Variants in LRRC4C observed in about 807,000 individuals in gnomAD.
LRRC4C encodes the protein leucine rich repeat containing 4C.
LRRC4C carries 5 observed loss-of-function variants against 33.6 expected under a neutral mutation model. The observed-to-expected ratio is 0.15, with a 90% CI of 0.08 to 0.31. The LOEUF (loss-of-function observed/expected upper bound fraction) is 0.31, where lower values mean the gene tolerates loss of function less well. LRRC4C is among the 10% of genes least tolerant of loss of function. The pLI, the probability that LRRC4C is intolerant of heterozygous loss-of-function variation, is 1.00. For missense variants in LRRC4C, 560 were observed against 796.7 expected (o/e 0.70, Z 3.58); for synonymous variants, 329 against 302.0 (o/e 1.09, Z -0.93).
intron 3 of LRRC4C, among the ~76,000 whole-genome samples, chr11:40,608,522 A>G (rs762636682): frequency 6.6e-6 from 1 of 152,112 alleles, no homozygotes; most frequent in Non-Finnish European, 1.5e-5. Context: ...GAAAATAACA[A>G]TAGAAAGCCC....
chr11:40,886,995 T>TACACAC (rs369413177), intron 2 of LRRC4C, among the ~76,000 whole-genome samples: 6 of 144,196 alleles, frequency 4.2e-5, no homozygotes, highest in African/African-American at 1.3e-4. Context: ...TGTATATATC[T>TACACAC]ACACACACAC....
chr11:40,281,613 A>G (rs1286834504), intron 4 of LRRC4C, among the ~76,000 whole-genome samples: 1 of 152,150 alleles, frequency 6.6e-6, no homozygotes, highest in Non-Finnish European at 1.5e-5. Context: ...TCCCACCATC[A>G]TTATCAAACC....
At chr11:40,590,607 T>C (rs1313488042) in intron 3 of LRRC4C, among the ~76,000 whole-genome samples, 1 of 151,950 alleles carries the variant, frequency 6.6e-6, no homozygotes, top group East Asian at 1.9e-4. Context: ...ATCTTTGTGG[T>C]TTTATCTACT....
intron 3 of LRRC4C, among the ~76,000 whole-genome samples, chr11:40,472,426 C>T (rs1010822854): frequency 7.9e-6 from 1 of 126,664 alleles, no homozygotes; most frequent in African/African-American, 2.9e-5. Context: ...AACAAAGACA[C>T]AAGGTACCAG....
chr11:40,826,055 C>G (rs917664532), intron 2 of LRRC4C, among the ~76,000 whole-genome samples: 3 of 151,210 alleles, frequency 2.0e-5, no homozygotes, highest in Non-Finnish European at 3.0e-5. Context: ...CCACAAAGCA[C>G]TAAATAAGGG....
intron 5 of LRRC4C, among the ~76,000 whole-genome samples, chr11:40,157,391 A>C (rs1052593986): frequency 6.6e-6 from 1 of 152,210 alleles, no homozygotes; most frequent in African/African-American, 2.4e-5. Context: ...AATGCAATAA[A>C]AACAAAGATA....
chr11:41,402,716 A>C (rs1316494313), intron 1 of LRRC4C, among the ~76,000 whole-genome samples: 1 of 152,046 alleles, frequency 6.6e-6, no homozygotes, highest in East Asian at 1.9e-4. Context: ...AAAATGAAGA[A>C]GAACTCCAGA....
At chr11:41,238,900 T>C (rs532227863) in intron 1 of LRRC4C, among the ~76,000 whole-genome samples, 1 of 152,138 alleles carries the variant, frequency 6.6e-6, no homozygotes, top group Non-Finnish European at 1.5e-5. Context: ...CAGAGATTGC[T>C]TACTGGAATT....
intron 5 of LRRC4C, among the ~76,000 whole-genome samples, chr11:40,205,393 T>A (rs952085492): frequency 3.9e-5 from 6 of 152,188 alleles, no homozygotes; most frequent in Non-Finnish European, 8.8e-5. Context: ...AGGGAAAGGA[T>A]ACCAAGACTT....
At chr11:40,994,777 T>A (rs1263792911) in intron 1 of LRRC4C, among the ~76,000 whole-genome samples, 1 of 150,328 alleles carries the variant, frequency 6.7e-6, no homozygotes, top group Non-Finnish European at 1.5e-5. Flanking sequence ...GCCGGTTTTT[T>A]CTTTACTGTC....
intron 2 of LRRC4C, among the ~76,000 whole-genome samples, chr11:40,898,914 C>A (rs966348733): frequency 2.6e-5 from 4 of 152,038 alleles, no homozygotes; most frequent in Non-Finnish European, 5.9e-5. Flanking sequence ...GCAGAAGATT[C>A]CCGAAAGAAC....
intron 4 of LRRC4C, among the ~76,000 whole-genome samples, chr11:40,253,291 A>C (rs1039470649): frequency 6.6e-6 from 1 of 152,216 alleles, no homozygotes; most frequent in African/African-American, 2.4e-5. Flanking sequence ...TCAAAAACGT[A>C]GCACATGCTA....
chr11:41,184,213 G>T (rs889441086), intron 1 of LRRC4C, among the ~76,000 whole-genome samples: 1 of 151,804 alleles, frequency 6.6e-6, no homozygotes, highest in Non-Finnish European at 1.5e-5. Flanking sequence ...CATTATTTAC[G>T]CAAATTTCTG....
rs141418453 is a variant in LRRC4C at position 40,265,948 on chromosome 11, T to C, written c.-175-24350A>G. Among the ~76,000 whole-genome samples, 387 of 152,288 alleles carry C rather than the reference T, an allele frequency of 2.5e-3. 5 individuals carry two copies. Among genetic ancestry groups the C allele is most frequent in the African/African-American group, 9.0e-3 (373 of 41,564 alleles). The stretch of plus-strand genomic sequence containing the variant: ...TCCATTTTTACATTTGTAGAATGGT[T>C]AATATAGTATTCAAGTAAAAACGTG... On this transcript the variant is annotated intron_variant, in intron 4 of 6. Coordinates refer to ENST00000528697, the MANE Select transcript of LRRC4C (RefSeq NM_001258419.2).
intron 3 of LRRC4C, among the ~76,000 whole-genome samples, chr11:40,393,416 A>ATGAC (rs1949412734): frequency 6.6e-6 from 1 of 152,156 alleles, no homozygotes; most frequent in African/African-American, 2.4e-5. Flanking sequence ...GGAATCTGAA[A>ATGAC]TGACTATTGA....
At chr11:40,230,545 T>C (rs1377381999) in intron 5 of LRRC4C, among the ~76,000 whole-genome samples, 2 of 152,212 alleles carry the variant, frequency 1.3e-5, no homozygotes, top group African/African-American at 4.8e-5. Context: ...TGGGTGATGA[T>C]ACACCTAACA....
chr11:40,596,236 T>A (rs1010511881), intron 3 of LRRC4C, among the ~76,000 whole-genome samples: 1 of 152,186 alleles, frequency 6.6e-6, no homozygotes, highest in African/African-American at 2.4e-5. Flanking sequence ...TTACCTACTA[T>A]TCCAGCAAGA....
intron 2 of LRRC4C, among the ~76,000 whole-genome samples, chr11:40,914,527 A>G (rs559230434): frequency 2.0e-5 from 3 of 152,342 alleles, no homozygotes; most frequent in African/African-American, 7.2e-5. Flanking sequence ...TCAATAAATT[A>G]GGTATTGATG....
At chr11:41,163,122 T>C (rs1031439987) in intron 1 of LRRC4C, among the ~76,000 whole-genome samples, 21 of 152,002 alleles carry the variant, frequency 1.4e-4, no homozygotes, top group Non-Finnish European at 2.9e-5. Context: ...GCCGCCACCA[T>C]GTAAGAAGTG....
Sources: allele counts gnomAD v4.1 joint callset (sites outside exome capture counted in the v4.1 genomes callset), GRCh38; gene constraint gnomAD v4.1.1; transcripts MANE v1.5; gene names NCBI Gene and HGNC (gene_info 2026-07-23, HGNC 2026-07-21).